The following SLC30A4 variants were observed in gnomAD, a reference collection of about 807,000 sequenced individuals.
SLC30A4 encodes the protein solute carrier family 30 member 4.
SLC30A4 carries 20 observed loss-of-function variants against 41.7 expected under a neutral mutation model. That is an observed-to-expected ratio of 0.48 (90% CI 0.34 to 0.70). The LOEUF (loss-of-function observed/expected upper bound fraction) is 0.70, where lower values mean the gene tolerates loss of function less well. SLC30A4 is among the 30% of genes least tolerant of loss of function. The pLI is 0.01. For synonymous variants in SLC30A4, 181 were observed against 195.9 expected, an observed-to-expected ratio of 0.92 and a Z score of 0.64; for missense variants, 441 against 529.3, an observed-to-expected ratio of 0.83 and a Z score of 1.64.
At chr15:45,514,379 A>T (rs1892401010) in intron 2 of SLC30A4, among the ~76,000 whole-genome samples, 1 of 149,070 alleles carries the variant, frequency 6.7e-6, no homozygotes, top group Admixed American at 6.7e-5. Flanking sequence ...AAAAAAAAAA[A>T]TTATAGAAAT....
chr15:45,500,411 G>C (rs1003778331), intron 3 of SLC30A4, among the ~76,000 whole-genome samples: 43 of 152,236 alleles, frequency 2.8e-4, no homozygotes, highest in Middle Eastern at 3.4e-3. Flanking sequence ...AGGTCATATA[G>C]ATGGATCTCA....
At chr15:45,498,938 A>G (rs986422183) in intron 3 of SLC30A4, among the ~76,000 whole-genome samples, 6 of 152,178 alleles carry the variant, frequency 3.9e-5, no homozygotes, top group African/African-American at 1.2e-4. Context: ...TCCCAACTAC[A>G]TGGAATTAGC....
intron 3 of SLC30A4, among the ~76,000 whole-genome samples, chr15:45,509,881 C>A (rs1255957204): frequency 6.6e-6 from 1 of 152,026 alleles, no homozygotes; most frequent in South Asian, 2.1e-4. Context: ...CAAAGGATGA[C>A]CCCCTTGTAG....
rs777016033 is a variant in SLC30A4, at chr15:45,488,946, G to A, written c.789C>T (p.Asn263=). Residue 263 remains asparagine (N), a synonymous_variant, in exon 5 of 8, where the codon AAC becomes AAT. Coordinates refer to ENST00000261867, the MANE Select transcript of SLC30A4 (RefSeq NM_013309.6). ...TCACTGCCAGGCTATCCTGCCCATG[G>A]TTACGTTCACACCCAGAACCTCTGG... is the stretch of plus-strand genomic sequence containing the variant. ...SPTRGSGCER[N]HGQDSLAVRA... is the part of the protein sequence containing the mutation. 1 of 1,614,108 alleles carries A rather than the reference G, an allele frequency of 6.2e-7. No individual in the cohort carries two copies.
chr15:45,503,599 G>C (rs1243358250), intron 3 of SLC30A4, among the ~76,000 whole-genome samples: 2 of 148,034 alleles, frequency 1.4e-5, no homozygotes, highest in African/African-American at 5.0e-5. Context: ...CTGGGTGACA[G>C]AGGGAGACTC....
intron 3 of SLC30A4, among the ~76,000 whole-genome samples, chr15:45,499,248 A>G (rs751495879): frequency 1.3e-5 from 2 of 151,742 alleles, no homozygotes; most frequent in Non-Finnish European, 2.9e-5. Context: ...ATTTTTTTGT[A>G]TTTTTAGTAG....
At position 45,485,254 on chromosome 15, in the gene SLC30A4, G is replaced by T. The variant is rs569587049; in HGVS notation, c.1199C>A (p.Thr400Lys). ...QSKANHLLLN[T>K]FGMYRCTIQL... is the part of the protein sequence containing the mutation. ...AATAGTACATCTATACATGCCAAAT[G>T]TGTTCAATAATAAATGGTTTGCTTT... Residue 400 changes from threonine (T) to lysine (K), a missense_variant, in exon 8 of 8, where the codon ACA (threonine) becomes AAA (lysine). Coordinates refer to ENST00000261867, the MANE Select transcript of SLC30A4 (RefSeq NM_013309.6). The T allele has an allele frequency of 8.1e-6, 13 of 1,611,810 alleles. No homozygotes were observed. Among genetic ancestry groups the T allele is most frequent in the Non-Finnish European group, 1.0e-5 (12 of 1,178,326 alleles).
At chr15:45,508,696 C>G (rs904005155) in intron 3 of SLC30A4, among the ~76,000 whole-genome samples, 19 of 152,168 alleles carry the variant, frequency 1.2e-4, no homozygotes, top group African/African-American at 4.3e-4. Flanking sequence ...AGACAGGAAT[C>G]AAATGGTGCT....
chr15:45,520,979 A>T (rs758615240), intron 2 of SLC30A4: 3 of 456,652 alleles, frequency 6.6e-6, no homozygotes, highest in Non-Finnish European at 1.3e-5. Flanking sequence ...GAAAAAGAAG[A>T]CCAGCATGGC....
At chr15:45,505,207 G>C (rs1892126655) in intron 3 of SLC30A4, among the ~76,000 whole-genome samples, 1 of 147,564 alleles carries the variant, frequency 6.8e-6, no homozygotes, top group South Asian at 2.1e-4. Flanking sequence ...CTCCAGCGTG[G>C]GCAACAAGAG....
intron 3 of SLC30A4, among the ~76,000 whole-genome samples, chr15:45,498,671 G>C (rs1044833318): frequency 6.6e-6 from 1 of 152,062 alleles, no homozygotes; most frequent in South Asian, 2.1e-4. Context: ...CCTCACTCAT[G>C]TCTTCTTTCA....
intron 3 of SLC30A4, among the ~76,000 whole-genome samples, chr15:45,496,919 C>T (rs898389518): frequency 2.6e-5 from 4 of 151,442 alleles, no homozygotes; most frequent in East Asian, 1.9e-4. Flanking sequence ...TCTAGCTACT[C>T]GGGAGGCTGA....
Position 45,486,689 on chromosome 15 carries a change from C to A in SLC30A4, c.1057G>T (p.Asp353Tyr). Residue 353 changes from aspartate to tyrosine, a missense_variant, in exon 7 of 8, where the codon GAT becomes TAT. Asp to Tyr is a radical substitution (Grantham distance 160, BLOSUM62 -3). Transcript: ENST00000261867. ...TTTAAATCTTCGACTGAATATACAT[C>A]TTCTATTTTCATCAAGGCTTCTTTG... The part of the protein sequence containing the change: ...YIKEALMKIE[D>Y]VYSVEDLNIW... 6.3e-7 allele frequency: 1 copy of A among 1,595,482 alleles called. No individual in the cohort carries two copies. The highest frequency in any genetic ancestry group is 8.6e-7 in the Non-Finnish European group (1 of 1,168,610).
intron 4 of SLC30A4, among the ~76,000 whole-genome samples, chr15:45,490,338 C>T (rs1273269456): frequency 2.0e-5 from 3 of 152,174 alleles, no homozygotes; most frequent in Non-Finnish European, 2.9e-5. Flanking sequence ...ATCTTCCCAC[C>T]TTGGCCTCCC....
intron 3 of SLC30A4, among the ~76,000 whole-genome samples, chr15:45,500,336 C>A (rs1161292739): frequency 1.3e-5 from 2 of 152,274 alleles, no homozygotes; most frequent in East Asian, 3.9e-4. Flanking sequence ...TTCTGCAATA[C>A]AAATATTATT....
chr15:45,479,613 G>T lies in SLC30A4; in HGVS notation c.*5550C>A, dbSNP rs1891577303. ...ATTAATCTTTCCATACTATCCAGAA[G>T]ATTTTTTTCAGTTTTATTTCTTAAA... On this transcript the variant is annotated 3_prime_UTR_variant, in exon 8 of 8. Coordinates refer to ENST00000261867, the MANE Select transcript of SLC30A4 (RefSeq NM_013309.6). The T allele has an allele frequency of 6.6e-6, 1 of 152,012 alleles. No individual in the cohort carries two copies. Among genetic ancestry groups the T allele is most frequent in the Admixed American group, 6.6e-5 (1 of 15,258 alleles). 9.4% of individuals were successfully genotyped at this position (152,012 alleles called of 1,614,324 possible).
At chr15:45,516,350 A>G (rs1259157231) in intron 2 of SLC30A4, among the ~76,000 whole-genome samples, 1 of 152,104 alleles carries the variant, frequency 6.6e-6, no homozygotes, top group Non-Finnish European at 1.5e-5. Context: ...AGTTCTCTAT[A>G]TGATTCTGAT....
chr15:45,520,860 T>C (rs984934206), intron 2 of SLC30A4: 4 of 354,268 alleles, frequency 1.1e-5, no homozygotes, highest in African/African-American at 4.3e-5. Context: ...CAATGTGAAG[T>C]GTATTTCTTA....
At chr15:45,515,751 T>C (rs1892452627) in intron 2 of SLC30A4, 1 of 149,328 alleles carries the variant, frequency 6.7e-6, no homozygotes, top group African/African-American at 2.4e-5. Context: ...TTTCTTTTCT[T>C]TTTTTTTTTT....
Sources: gnomAD v4.1 joint callset for allele counts (sites outside exome capture counted in the v4.1 genomes callset) on GRCh38, gnomAD v4.1.1 for gene constraint, MANE v1.5 for transcripts, NCBI Gene and HGNC (gene_info 2026-07-23, HGNC 2026-07-21) for gene names.